Variants in MRPL1 observed in about 807,000 individuals in gnomAD.
MRPL1 encodes the protein large ribosomal subunit protein uL1m.
A neutral mutation model predicts 38.0 loss-of-function variants in MRPL1; 28 were observed. The ratio of observed to expected loss-of-function variants is 0.74; its 90% CI spans 0.55 to 1.01. MRPL1 has a LOEUF of 1.01. Among genes scored for constraint, MRPL1 ranks in the 50% least tolerant of loss-of-function variants. The pLI is 0.00. For synonymous variants in MRPL1, 123 were observed against 126.7 expected (o/e 0.97, Z 0.20); for missense variants, 358 against 389.8 (o/e 0.92, Z 0.69).
intron 7 of MRPL1, among the ~76,000 whole-genome samples, chr4:77,919,843 A>ATAT (rs1407647202): frequency 3.1e-4 from 45 of 144,342 alleles, no homozygotes; most frequent in African/African-American, 1.2e-3. Context: ...TGTTATATAT[A>ATAT]TATATATGTG....
intron 3 of MRPL1, among the ~76,000 whole-genome samples, 153 bp from the exon 4 acceptor site, chr4:77,885,103 A>G (rs1487165290): frequency 6.6e-6 from 1 of 152,250 alleles, no homozygotes; most frequent in Admixed American, 6.5e-5. Context: ...GTAATTCATG[A>G]ATAGTAATCA....
intron 7 of MRPL1, among the ~76,000 whole-genome samples, chr4:77,924,345 T>C (rs1288615929): frequency 6.6e-6 from 1 of 152,218 alleles, no homozygotes; most frequent in Admixed American, 6.5e-5. Context: ...TATCTTTGTC[T>C]TTCAAGTTTG....
rs1283320035 is a variant in MRPL1, at chr4:77,866,547, C to T, written c.31+3668C>T. Among the ~76,000 whole-genome samples, 28 of 152,054 alleles carry T rather than the reference C, an allele frequency of 1.8e-4. 1 individual carries two copies. Among genetic ancestry groups the T allele is most frequent in the Non-Finnish European group, 3.8e-4 (26 of 68,026 alleles). ...ACCTTGTGCCTACCTTCTCCTACCC[C>T]CGCCTCACCCAGCTGACCTCTCTGA... On this transcript the variant is annotated intron_variant, in intron 1 of 8. Coordinates refer to ENST00000315567, the MANE Select transcript of MRPL1 (RefSeq NM_020236.4).
intron 7 of MRPL1, among the ~76,000 whole-genome samples, chr4:77,919,649 A>T (rs898041141): frequency 1.3e-5 from 2 of 152,162 alleles, no homozygotes; most frequent in Non-Finnish European, 2.9e-5. Context: ...TGTCATAAGA[A>T]GTATTTATCA....
At chr4:77,887,626 A>G (rs1246793024) in intron 5 of MRPL1, among the ~76,000 whole-genome samples, 1 of 152,134 alleles carries the variant, frequency 6.6e-6, no homozygotes, top group Non-Finnish European at 1.5e-5. Flanking sequence ...CCTGAGCTCA[A>G]GCAATCCTCC....
chr4:77,935,632 T>C (rs1736952369), intron 7 of MRPL1, among the ~76,000 whole-genome samples: 1 of 152,164 alleles, frequency 6.6e-6, no homozygotes, highest in African/African-American at 2.4e-5. Context: ...CTGACCTCAG[T>C]TGATCCACCT....
At chr4:77,932,264 G>A (rs1293258252) in intron 7 of MRPL1, among the ~76,000 whole-genome samples, 2 of 152,154 alleles carry the variant, frequency 1.3e-5, no homozygotes, top group Non-Finnish European at 2.9e-5. Context: ...TTAAACAATA[G>A]CAGAGATTTT....
chr4:77,869,477 G>A (rs562170678), intron 1 of MRPL1, among the ~76,000 whole-genome samples: 1 of 152,312 alleles, frequency 6.6e-6, no homozygotes, highest in East Asian at 1.9e-4. Context: ...TTAAATAGTG[G>A]TATTTGGTTT....
intron 7 of MRPL1, among the ~76,000 whole-genome samples, chr4:77,936,853 G>A (rs971230141): frequency 4.6e-5 from 7 of 152,074 alleles, no homozygotes; most frequent in African/African-American, 1.4e-4. Flanking sequence ...GACAAGGTAC[G>A]ATGGCTCATG....
At chr4:77,868,724 G>A (rs944535524) in intron 1 of MRPL1, among the ~76,000 whole-genome samples, 1 of 152,116 alleles carries the variant, frequency 6.6e-6, no homozygotes, top group African/African-American at 2.4e-5. Flanking sequence ...AAGCAATAGG[G>A]GAAAATGTCA....
chr4:77,863,461 ATTTTTTTT>A (rs969402527), intron 1 of MRPL1, among the ~76,000 whole-genome samples: 1 of 112,690 alleles, frequency 8.9e-6, no homozygotes, highest in African/African-American at 3.8e-5. Context: ...TTGTGCAACA[ATTTTTTTT>A]TTTTTTTTTT....
intron 2 of MRPL1, among the ~76,000 whole-genome samples, chr4:77,874,994 G>A (rs1345366182): frequency 2.0e-5 from 3 of 151,636 alleles, no homozygotes; most frequent in African/African-American, 7.3e-5. Context: ...CACCATGTTG[G>A]TCAGGCTGGT....
chr4:77,951,456 C>T (rs967689086), intron 8 of MRPL1, among the ~76,000 whole-genome samples: 8 of 152,162 alleles, frequency 5.3e-5, no homozygotes, highest in Admixed American at 3.9e-4. Context: ...TTCTAGAGTA[C>T]AACTAGTTTG....
At chr4:77,919,755 C>T (rs540879134) in intron 7 of MRPL1, among the ~76,000 whole-genome samples, 226 of 151,964 alleles carry the variant, frequency 1.5e-3, no homozygotes, top group Non-Finnish European at 2.8e-3. Flanking sequence ...TAATAAATTA[C>T]ATAACTCTCA....
intron 7 of MRPL1, among the ~76,000 whole-genome samples, chr4:77,916,060 C>T (rs1736416525): frequency 6.6e-6 from 1 of 151,996 alleles, no homozygotes; most frequent in Non-Finnish European, 1.5e-5. Flanking sequence ...CCTTTTTCCC[C>T]CAATGGCTCT....
intron 2 of MRPL1, among the ~76,000 whole-genome samples, chr4:77,872,894 A>G (rs1038341922): frequency 6.6e-6 from 1 of 152,072 alleles, no homozygotes; most frequent in Non-Finnish European, 1.5e-5. Flanking sequence ...TTAGCTGGAC[A>G]TAGTGGTGTG....
At position 77,926,763 on chromosome 4, in the gene MRPL1, C is replaced by T. The variant is rs142727621; in HGVS notation, c.777+17391C>T. Among the ~76,000 whole-genome samples, 386 of 152,026 alleles carry T rather than the reference C, an allele frequency of 2.5e-3. 3 individuals are homozygous for T. The highest frequency in any genetic ancestry group is 8.5e-3 in the African/African-American group (353 of 41,470). On this transcript the variant is annotated intron_variant, in intron 7 of 8. Coordinates refer to ENST00000315567, the MANE Select transcript of MRPL1 (RefSeq NM_020236.4). Reference sequence around the variant, plus strand: ...AGCTGGGACCACAGGCGCATGCCACCGTGCCCAGCTAATTTTTGTATTTTT... The same window carrying T: ...AGCTGGGACCACAGGCGCATGCCACTGTGCCCAGCTAATTTTTGTATTTTT...
intron 1 of MRPL1, among the ~76,000 whole-genome samples, chr4:77,867,037 T>G (rs1012699804): frequency 6.6e-6 from 1 of 152,046 alleles, no homozygotes; most frequent in African/African-American, 2.4e-5. Context: ...TGAGCCACCA[T>G]GCCTGGCCTC....
chr4:77,913,268 G>T (rs1736333048), intron 7 of MRPL1, among the ~76,000 whole-genome samples: 1 of 152,080 alleles, frequency 6.6e-6, no homozygotes. Flanking sequence ...TGAAAATCAT[G>T]TATCTGATAA....
Sources: gnomAD v4.1 joint callset for allele counts (sites outside exome capture counted in the v4.1 genomes callset) on GRCh38, gnomAD v4.1.1 for gene constraint, MANE v1.5 for transcripts, NCBI Gene and HGNC (gene_info 2026-07-23, HGNC 2026-07-21) for gene names.